The following ARFGEF3 variants were observed in gnomAD, a reference collection of about 807,000 sequenced individuals.
The protein encoded by ARFGEF3 is brefeldin A-inhibited guanine nucleotide-exchange protein 3.
A neutral mutation model predicts 221.7 loss-of-function variants in ARFGEF3; 96 were observed. The observed-to-expected ratio is 0.43, with a 90% CI of 0.37 to 0.51. The LOEUF (loss-of-function observed/expected upper bound fraction) is 0.51, where lower values mean the gene tolerates loss of function less well. Among genes scored for constraint, ARFGEF3 ranks in the 20% least tolerant of loss-of-function variants. The pLI is 0.00. For missense variants in ARFGEF3, 2,410 were observed against 2,789.9 expected (o/e 0.86, Z 3.07); for synonymous variants, 1,145 against 1,126.8 (o/e 1.02, Z -0.32).
chr6:138,188,622 G>C (rs1351419887), intron 2 of ARFGEF3, among the ~76,000 whole-genome samples: 1 of 152,220 alleles, frequency 6.6e-6, no homozygotes, highest in African/African-American at 2.4e-5. Context: ...GCTGCCTTCG[G>C]GGTGACTAGG....
intron 2 of ARFGEF3, among the ~76,000 whole-genome samples, chr6:138,178,471 C>T (rs183259518): frequency 1.3e-5 from 2 of 152,290 alleles, no homozygotes; most frequent in South Asian, 2.1e-4. Flanking sequence ...GCTGAGATGT[C>T]CTGAAGTCCT....
intron 17 of ARFGEF3, among the ~76,000 whole-genome samples, chr6:138,289,058 A>G (rs1417295156): frequency 1.3e-5 from 2 of 152,044 alleles, no homozygotes; most frequent in African/African-American, 4.8e-5. Flanking sequence ...GGTTCAAGCT[A>G]TTCTCCTGCC....
intron 2 of ARFGEF3, among the ~76,000 whole-genome samples, chr6:138,176,370 A>G (rs1010119296): frequency 6.6e-6 from 1 of 151,798 alleles, no homozygotes; most frequent in Non-Finnish European, 1.5e-5. Flanking sequence ...TTTAGTAGAG[A>G]CGGAGTTTCA....
At position 138,238,611 on chromosome 6, in the gene ARFGEF3, C is replaced by T. The variant is rs1188172160; in HGVS notation, c.523C>T (p.Arg175Ter). 3 of 1,613,572 alleles carry T rather than the reference C, an allele frequency of 1.9e-6. No homozygotes were observed. Among genetic ancestry groups the T allele is most frequent in the Non-Finnish European group, 2.5e-6 (3 of 1,179,716 alleles). Residue 175 changes from arginine to a stop codon, truncating the protein, a stop_gained, in exon 6 of 34, where the codon CGA becomes TGA. Coordinates refer to ENST00000251691, the MANE Select transcript of ARFGEF3 (RefSeq NM_020340.5). LOFTEE classifies it high-confidence loss of function. ...QMLSDLTLQL[R>*]QRQENTIIEN... ...GCTGAGTGACTTGACTTTACAGTTACGACAGAGGCAGGAGAATACGGTGAG... is the reference window on the plus strand; with the variant it reads ...GCTGAGTGACTTGACTTTACAGTTATGACAGAGGCAGGAGAATACGGTGAG...
intron 14 of ARFGEF3, among the ~76,000 whole-genome samples, chr6:138,283,466 T>C (rs182107422): frequency 6.6e-4 from 101 of 152,370 alleles, no homozygotes; most frequent in African/African-American, 2.2e-3. Context: ...AAAAGGGCTT[T>C]TCATAAGAAT....
At chr6:138,276,854 T>C (rs112948811) in intron 12 of ARFGEF3, among the ~76,000 whole-genome samples, 9 of 152,230 alleles carry the variant, frequency 5.9e-5, no homozygotes, top group East Asian at 5.8e-4. Flanking sequence ...TTAGTAGAGA[T>C]GGGGTTTCAC....
rs761024760 is a variant in ARFGEF3 at position 138,336,533 on chromosome 6, G to C, written c.*47G>C. On this transcript the variant is annotated 3_prime_UTR_variant, in exon 34 of 34. Transcript: ENST00000251691. ...CACCAAATAACAGTAGTGAGGGTTAGAGTCCTGCCAATACAGCTGTTGCAT... is the reference window on the plus strand; with the variant it reads ...CACCAAATAACAGTAGTGAGGGTTACAGTCCTGCCAATACAGCTGTTGCAT... The C allele has an allele frequency of 3.4e-6, 5 of 1,488,212 alleles. No homozygotes were observed. Among genetic ancestry groups the C allele is most frequent in the Non-Finnish European group, 3.7e-6 (4 of 1,095,294 alleles). 92.2% of individuals were successfully genotyped at this position (1,488,212 alleles called of 1,614,324 possible).
At chr6:138,290,727 C>T (rs1223899990) in intron 18 of ARFGEF3, among the ~76,000 whole-genome samples, 1 of 152,180 alleles carries the variant, frequency 6.6e-6, no homozygotes, top group African/African-American at 2.4e-5. Flanking sequence ...CAGCACATGC[C>T]TCACACTCAC....
In ARFGEF3 at chr6:138,344,636, G is replaced by A. The variant is rs983513994; in HGVS notation, c.*8150G>A. ...TAAAAATCTGGTACATGAAACAATT[G>A]TGTTTACTGAATAAATATATATAAA... is the stretch of plus-strand genomic sequence containing the variant. On this transcript the variant is annotated 3_prime_UTR_variant, in exon 34 of 34. Coordinates refer to ENST00000251691, the MANE Select transcript of ARFGEF3 (RefSeq NM_020340.5). 9 of 152,108 alleles carry A rather than the reference G, an allele frequency of 5.9e-5. No individual in the cohort carries two copies. The highest frequency in any genetic ancestry group is 1.9e-4 in the African/African-American group (8 of 41,420). The allele number at this position is 152,108 out of a possible 1,614,324, so 9.4% of individuals were successfully genotyped here. A position where few individuals can be genotyped will look rare whatever the true frequency, so the allele number is the denominator to read the frequency against.
chr6:138,275,881 TTGAC>T (rs1407005575), intron 12 of ARFGEF3, among the ~76,000 whole-genome samples: 38 of 152,240 alleles, frequency 2.5e-4, no homozygotes, highest in African/African-American at 8.9e-4. Context: ...TCTCATTTCT[TTGAC>T]TGTTAATTCT....
rs541621033 is a variant in ARFGEF3 at position 138,173,739 on chromosome 6, C to T, written c.137+3026C>T. Among the ~76,000 whole-genome samples the T allele has an allele frequency of 2.6e-3, 401 of 152,234 alleles. 2 individuals are homozygous for T. The highest frequency in any genetic ancestry group is 4.1e-3 in the Non-Finnish European group (281 of 67,996). On this transcript the variant is annotated intron_variant, in intron 2 of 33. Coordinates refer to ENST00000251691, the MANE Select transcript of ARFGEF3 (RefSeq NM_020340.5). ...TTTTATTCAACGATCTTTTGCTTTA[C>T]CCCAGAGCCAGCTACCTATCTTGTG...
At position 138,296,779 on chromosome 6, in the gene ARFGEF3, T is replaced by G. The variant is rs749565375; in HGVS notation, c.3503-31T>G. On this transcript the variant is annotated intron_variant, in intron 20 of 33. Transcript: ENST00000251691. ...GTCAGACTATGTCTGAGTTTTGGCT[T>G]TCTGGCATTTATGTTCTTGCCTTCC... 23 of 1,607,468 alleles carry G rather than the reference T, an allele frequency of 1.4e-5. No homozygotes were observed. The East Asian group carries it at 4.9e-4, about 34-fold the overall frequency.
rs368694396 is a variant in ARFGEF3, at chr6:138,334,717, G to C, written c.5871G>C (p.Gly1957=). 1.2e-6 allele frequency: 2 copies of C among 1,609,542 alleles called. No homozygotes were observed. The highest frequency in any genetic ancestry group is 1.7e-6 in the Non-Finnish European group (2 of 1,176,632). ...SSTPSTGGFS[G]KETPSEDDRS... is the part of the protein sequence containing the mutation. ...CCCCATCCACCGGGGGCTTCTCTGG[G>C]AAAGAAACCCCTTCCGAGGATGACA... The change falls in exon 33 of 34, where the codon GGG becomes GGC. Residue 1957 remains glycine, a synonymous_variant. Coordinates refer to ENST00000251691, the MANE Select transcript of ARFGEF3 (RefSeq NM_020340.5). This position sits in a 1 kb window ranked among gnomAD's most constrained non-coding sequence, Gnocchi z 5.1.
intron 14 of ARFGEF3, among the ~76,000 whole-genome samples, chr6:138,280,579 C>T (rs947178029): frequency 2.0e-5 from 3 of 152,178 alleles, no homozygotes; most frequent in East Asian, 1.9e-4. Context: ...GGCCAAGTGC[C>T]GTGGCTCATG....
At chr6:138,270,372 A>C (rs1398568866) in intron 12 of ARFGEF3, among the ~76,000 whole-genome samples, 1 of 151,800 alleles carries the variant, frequency 6.6e-6, no homozygotes, top group Non-Finnish European at 1.5e-5. Flanking sequence ...ACCAATTTTC[A>C]GGAGTTTATA....
chr6:138,183,797 A>G (rs1248509725), intron 2 of ARFGEF3, among the ~76,000 whole-genome samples: 4 of 152,148 alleles, frequency 2.6e-5, no homozygotes, highest in African/African-American at 9.7e-5. Context: ...CCGTAAATGG[A>G]GATGGAAACG....
intron 1 of ARFGEF3, among the ~76,000 whole-genome samples, chr6:138,168,993 G>A (rs1452549097): frequency 6.6e-6 from 1 of 152,202 alleles, no homozygotes; most frequent in Non-Finnish European, 1.5e-5. Flanking sequence ...ATTGGCACTG[G>A]CGTCTAAGGA....
chr6:138,193,710 G>A (rs1777355405), intron 2 of ARFGEF3, among the ~76,000 whole-genome samples: 1 of 152,058 alleles, frequency 6.6e-6, no homozygotes, highest in Non-Finnish European at 1.5e-5. Flanking sequence ...CTAGAAAACT[G>A]TTACTTTAGT....
At chr6:138,192,686 A>G (rs569207027) in intron 2 of ARFGEF3, among the ~76,000 whole-genome samples, 43 of 152,364 alleles carry the variant, frequency 2.8e-4, no homozygotes, top group African/African-American at 1.0e-3. Flanking sequence ...AGGACAAGAC[A>G]GAGCTGGGGC....
Sources: allele counts gnomAD v4.1 joint callset (sites outside exome capture counted in the v4.1 genomes callset), GRCh38; gene constraint gnomAD v4.1.1; non-coding constraint Gnocchi (gnomAD v3.1); transcripts MANE v1.5; gene names NCBI Gene and HGNC (gene_info 2026-07-23, HGNC 2026-07-21).